PDE3A: variants seen among roughly 807,000 people sequenced by gnomAD.
The protein encoded by PDE3A is phosphodiesterase 3A.
In PDE3A, 43 loss-of-function variants were observed where a neutral mutation model predicts 98.3. The ratio of observed to expected loss-of-function variants is 0.44; its 90% confidence interval spans 0.34 to 0.56. PDE3A has a LOEUF of 0.56. Among genes scored for constraint, PDE3A ranks in the 20% least tolerant of loss-of-function variants. The pLI, the probability that PDE3A is intolerant of heterozygous loss-of-function variation, is 0.01. For missense variants in PDE3A, 1,427 were observed against 1,440.7 expected (o/e 0.99, Z 0.15); for synonymous variants, 663 against 567.9 (o/e 1.17, Z -2.38).
rs183923695 is a variant in PDE3A at position 20,462,907 on chromosome 12, G to A, written c.960+92663G>A. ...CAGGCTCAAGGGATCCTCCTACTTC[G>A]GCCTCCTGAGTATACCACCATGCCA... is the stretch of plus-strand genomic sequence containing the variant. On this transcript the variant is annotated intron_variant, in intron 1 of 15. Coordinates refer to ENST00000359062, the MANE Select transcript of PDE3A (RefSeq NM_000921.5). Among the ~76,000 whole-genome samples, 24 of 151,576 alleles carry A rather than the reference G, an allele frequency of 1.6e-4. No individual in the cohort carries two copies. In the East Asian group the frequency reaches 4.3e-3, roughly 27 times the overall value.
In PDE3A at chr12:20,608,383, T is replaced by A. The variant is rs1156863208; in HGVS notation, c.1012-5060T>A. 8.2e-4 allele frequency among the ~76,000 whole-genome samples: 13 copies of A among 15,798 alleles called. No homozygotes were observed. In the South Asian group the frequency reaches 0.011, roughly 13 times the overall value. 10.4% of individuals were successfully genotyped at this position (15,798 alleles called of 152,430 possible). ...CCTGACTTAATGATACTAAGGATAT[T>A]TTTTTTTTCCAATAGTAGAAGTGTT... On this transcript the variant is annotated intron_variant, in intron 2 of 15. Transcript: ENST00000359062.
chr12:20,431,293 G>A (rs1944693370), intron 1 of PDE3A, among the ~76,000 whole-genome samples: 3 of 152,154 alleles, frequency 2.0e-5, no homozygotes, highest in Non-Finnish European at 4.4e-5. Flanking sequence ...AGTTTCTCCA[G>A]TAGGTTTATC....
rs547157614 is a variant in PDE3A at position 20,443,426 on chromosome 12, TGG to T, written c.960+73184_960+73185del. Reference sequence around the variant, plus strand: ...ACAATTAATGCTGACATAAGCTATTTGGGTAATACCTCATTTTTTTTTAGAAT... The same window carrying T: ...ACAATTAATGCTGACATAAGCTATTTGTAATACCTCATTTTTTTTTAGAAT... On this transcript the variant is annotated intron_variant, in intron 1 of 15. Coordinates refer to ENST00000359062, the MANE Select transcript of PDE3A (RefSeq NM_000921.5). 5.1e-4 allele frequency among the ~76,000 whole-genome samples: 77 copies of T among 152,326 alleles called. 1 individual carries two copies. The highest frequency in any genetic ancestry group is 1.8e-3 in the African/African-American group (73 of 41,594).
chr12:20,679,650 G>A (rs1190077917), intron 15 of PDE3A, among the ~76,000 whole-genome samples: 1 of 152,034 alleles, frequency 6.6e-6, no homozygotes, highest in Non-Finnish European at 1.5e-5. Flanking sequence ...GATTGACAGA[G>A]ACAGACTAAC....
intron 1 of PDE3A, among the ~76,000 whole-genome samples, chr12:20,529,734 T>C (rs996070512): frequency 3.9e-5 from 6 of 152,134 alleles, no homozygotes; most frequent in Non-Finnish European, 8.8e-5. Context: ...GATTTCAGAC[T>C]TCCAGCCTCT....
At chr12:20,665,941 C>T (rs1450891164) in intron 15 of PDE3A, among the ~76,000 whole-genome samples, 1 of 149,272 alleles carries the variant, frequency 6.7e-6, no homozygotes, top group Non-Finnish European at 1.5e-5. Flanking sequence ...TATCTGTCAC[C>T]TCGAGTATTT....
chr12:20,472,454 T>A (rs184781627), intron 1 of PDE3A, among the ~76,000 whole-genome samples: 1 of 152,172 alleles, frequency 6.6e-6, no homozygotes, highest in Non-Finnish European at 1.5e-5. Context: ...TCTAGAAACT[T>A]GAAGAGAGAT....
intron 1 of PDE3A, among the ~76,000 whole-genome samples, chr12:20,502,924 A>T (rs942144810): frequency 1.3e-5 from 2 of 152,118 alleles, no homozygotes; most frequent in African/African-American, 2.4e-5. Context: ...CTTACTAGCT[A>T]TGTCCCTTTG....
intron 2 of PDE3A, among the ~76,000 whole-genome samples, chr12:20,597,390 G>A (rs1206718707): frequency 6.6e-6 from 1 of 152,092 alleles, no homozygotes; most frequent in Non-Finnish European, 1.5e-5. Flanking sequence ...GACTTATAGG[G>A]GCTCAAGATT....
chr12:20,656,771 C>T (rs1945053944), intron 15 of PDE3A, among the ~76,000 whole-genome samples: 1 of 152,178 alleles, frequency 6.6e-6, no homozygotes. Context: ...GGGGCCCTGA[C>T]TTACTGCTCT....
chr12:20,557,677 A>T (rs1330665087), intron 2 of PDE3A, among the ~76,000 whole-genome samples: 1 of 152,202 alleles, frequency 6.6e-6, no homozygotes, highest in Non-Finnish European at 1.5e-5. Context: ...AATTCCGGTC[A>T]CTAGGAAAAC....
intron 1 of PDE3A, among the ~76,000 whole-genome samples, chr12:20,500,751 G>A (rs1946007824): frequency 6.7e-6 from 1 of 149,654 alleles, no homozygotes; most frequent in Non-Finnish European, 1.5e-5. Context: ...TGTGTAAGAG[G>A]CTTTCATTCT....
chr12:20,515,586 AT>A (rs1218549535), intron 1 of PDE3A, among the ~76,000 whole-genome samples: 1 of 152,228 alleles, frequency 6.6e-6, no homozygotes, highest in Non-Finnish European at 1.5e-5. Context: ...ACTGGAAAGA[AT>A]CTACAATAAA....
intron 1 of PDE3A, among the ~76,000 whole-genome samples, chr12:20,450,768 G>A (rs1945049176): frequency 1.3e-5 from 2 of 152,192 alleles, no homozygotes; most frequent in African/African-American, 4.8e-5. Flanking sequence ...ATATTTTGAT[G>A]AGTAATGTGT....
chr12:20,461,090 A>G (rs10770664), intron 1 of PDE3A, among the ~76,000 whole-genome samples: 71,710 of 151,694 alleles, frequency 0.47, 17,287 homozygotes, highest in Admixed American at 0.55. Context: ...TTGCTAAATT[A>G]TTTGCCTTTC....
At chr12:20,676,203 A>G (rs1356505668) in intron 15 of PDE3A, among the ~76,000 whole-genome samples, 1 of 152,128 alleles carries the variant, frequency 6.6e-6, no homozygotes, top group Non-Finnish European at 1.5e-5. Flanking sequence ...AATGATAGAT[A>G]TCATCCTTTT....
In PDE3A at chr12:20,680,986, A is replaced by G. The variant is rs1175168472; in HGVS notation, c.*715A>G. The G allele has an allele frequency of 6.6e-6, 1 of 152,130 alleles. No individual in the cohort carries two copies. The highest frequency in any genetic ancestry group is 2.4e-5 in the African/African-American group (1 of 41,416). 9.4% of individuals were successfully genotyped at this position (152,130 alleles called of 1,614,324 possible). On this transcript the variant is annotated 3_prime_UTR_variant, in exon 16 of 16. Transcript: ENST00000359062. Reference sequence around the variant, plus strand: ...ATAGCTGTAGCAAATGACTGAATACATGTGAACAAACAGAAGGAAGTTCAC... The same window carrying G: ...ATAGCTGTAGCAAATGACTGAATACGTGTGAACAAACAGAAGGAAGTTCAC...
intron 2 of PDE3A, among the ~76,000 whole-genome samples, chr12:20,592,147 A>AAAT (rs1256398267): frequency 6.6e-6 from 1 of 152,166 alleles, no homozygotes; most frequent in Non-Finnish European, 1.5e-5. Flanking sequence ...GAAAGCTGAT[A>AAAT]AATTGCATCT....
intron 1 of PDE3A, among the ~76,000 whole-genome samples, chr12:20,526,795 TTGA>T (rs1163838522): frequency 3.6e-4 from 55 of 151,984 alleles, no homozygotes; most frequent in Non-Finnish European, 7.3e-5. Flanking sequence ...GTGTTTGTAA[TTGA>T]TGATGTAGCC....
Sources: gnomAD v4.1 joint callset for allele counts (sites outside exome capture counted in the v4.1 genomes callset) on GRCh38, gnomAD v4.1.1 for gene constraint, MANE v1.5 for transcripts, NCBI Gene and HGNC (gene_info 2026-07-23, HGNC 2026-07-21) for gene names.